Variants in SLC10A7 observed in about 807,000 individuals in gnomAD.
SLC10A7 encodes the protein sodium/bile acid cotransporter 7.
In SLC10A7, 29 loss-of-function variants were observed where a neutral mutation model predicts 43.2. The observed-to-expected ratio is 0.67, with a 90% CI of 0.50 to 0.92. The LOEUF is 0.92. Ranked by LOEUF, SLC10A7 falls within the 40% of genes least tolerant of loss-of-function variation. SLC10A7 has a pLI of 0.00. For missense variants in SLC10A7, 295 were observed against 403.2 expected (o/e 0.73, Z 2.30); for synonymous variants, 152 against 144.8 (o/e 1.05, Z -0.35).
chr4:146,313,537 A>G (rs1374570555), intron 6 of SLC10A7, among the ~76,000 whole-genome samples: 1 of 152,090 alleles, frequency 6.6e-6, no homozygotes, highest in African/African-American at 2.4e-5. Context: ...TTTTTTTTCA[A>G]GTGGTTTTAG....
At position 146,504,434 on chromosome 4, in the gene SLC10A7, G is replaced by C. The variant is rs539708452; in HGVS notation, c.321-510C>G. 4.0e-5 allele frequency among the ~76,000 whole-genome samples: 6 copies of C among 151,452 alleles called. No individual in the cohort carries two copies. The East Asian group carries it at 5.9e-4, about 15-fold the overall frequency. ...CTCAGGAGGTTGAGGCAGGAGAATG[G>C]TGTGAACCTGGGAGGCAGAGTTTGC... On this transcript the variant is annotated intron_variant, in intron 3 of 11. Coordinates refer to ENST00000335472, the MANE Select transcript of SLC10A7 (RefSeq NM_001029998.6).
intron 5 of SLC10A7, among the ~76,000 whole-genome samples, chr4:146,377,775 T>G (rs1023154665): frequency 6.6e-6 from 1 of 152,344 alleles, no homozygotes. Flanking sequence ...GGGCAGAGTC[T>G]GCTTTATTAA....
chr4:146,415,172 A>C (rs533244996), intron 5 of SLC10A7, among the ~76,000 whole-genome samples: 1 of 152,202 alleles, frequency 6.6e-6, no homozygotes, highest in Admixed American at 6.5e-5. Flanking sequence ...TTTAAGAGAA[A>C]GAAACATTTA....
Position 146,518,762 on chromosome 4 carries a change from G to A in SLC10A7, c.101-1642C>T, listed in dbSNP as rs1738256278. Among the ~76,000 whole-genome samples, 3 of 151,918 alleles carry A rather than the reference G, an allele frequency of 2.0e-5. 1 individual carries two copies. In the South Asian group the frequency reaches 6.3e-4, roughly 32 times the overall value. On this transcript the variant is annotated intron_variant, in intron 1 of 11. Coordinates refer to ENST00000335472, the MANE Select transcript of SLC10A7 (RefSeq NM_001029998.6). ...CATGTGATGACAGAGGTGGAGGCTG[G>A]AGTTATATTGCCACAAGCCAAGGAA...
intron 4 of SLC10A7, among the ~76,000 whole-genome samples, chr4:146,483,389 T>C (rs1328964608): frequency 6.6e-6 from 1 of 152,080 alleles, no homozygotes. Context: ...AAAATTGTTA[T>C]CAGCTTACAA....
intron 10 of SLC10A7, among the ~76,000 whole-genome samples, chr4:146,282,861 T>C (rs1729635992): frequency 6.6e-6 from 1 of 152,172 alleles, no homozygotes; most frequent in African/African-American, 2.4e-5. Context: ...AAAGCAATGT[T>C]TTTGCCAATT....
intron 4 of SLC10A7, among the ~76,000 whole-genome samples, chr4:146,474,716 A>T (rs1733883294): frequency 6.6e-6 from 1 of 152,210 alleles, no homozygotes; most frequent in Non-Finnish European, 1.5e-5. Flanking sequence ...AATTTATAAA[A>T]CTTATAAAAT....
intron 5 of SLC10A7, among the ~76,000 whole-genome samples, chr4:146,389,274 C>T (rs543875461): frequency 4.4e-4 from 66 of 151,572 alleles, no homozygotes; most frequent in African/African-American, 1.6e-3. Flanking sequence ...TGCAATATAT[C>T]CATGTAACAA....
At chr4:146,432,012 T>C (rs1299001061) in intron 5 of SLC10A7, among the ~76,000 whole-genome samples, 1 of 152,168 alleles carries the variant, frequency 6.6e-6, no homozygotes, top group Non-Finnish European at 1.5e-5. Context: ...GATATACGGA[T>C]GGCAAATAAG....
At chr4:146,491,502 GAAGGAA>G (rs1317381411) in intron 4 of SLC10A7, among the ~76,000 whole-genome samples, 1 of 151,926 alleles carries the variant, frequency 6.6e-6, no homozygotes, top group Non-Finnish European at 1.5e-5. Flanking sequence ...AGATTGGAGA[GAAGGAA>G]AAGGAAGAGA....
intron 1 of SLC10A7, among the ~76,000 whole-genome samples, chr4:146,520,591 T>A: frequency 6.6e-6 from 1 of 152,162 alleles, no homozygotes; most frequent in South Asian, 2.1e-4. Context: ...TCCTAAGAGA[T>A]CATTTCATTC....
chr4:146,439,234 C>T (rs2149884721), intron 5 of SLC10A7, among the ~76,000 whole-genome samples: 1 of 152,106 alleles, frequency 6.6e-6, no homozygotes, highest in East Asian at 1.9e-4. Flanking sequence ...ACAACAAAAA[C>T]AGCGTTCTAT....
At chr4:146,369,700 C>T (rs1013104349) in intron 5 of SLC10A7, among the ~76,000 whole-genome samples, 9 of 152,102 alleles carry the variant, frequency 5.9e-5, no homozygotes, top group Admixed American at 2.6e-4. Flanking sequence ...GTTATTACAG[C>T]GAATGCTTTA....
chr4:146,373,266 A>C (rs978945825), intron 5 of SLC10A7, among the ~76,000 whole-genome samples: 3 of 152,094 alleles, frequency 2.0e-5, no homozygotes, highest in African/African-American at 7.2e-5. Context: ...TGAGCTCAGG[A>C]TTTTAAGATC....
chr4:146,317,099 C>T (rs949077641), intron 6 of SLC10A7, among the ~76,000 whole-genome samples: 3 of 152,040 alleles, frequency 2.0e-5, no homozygotes, highest in African/African-American at 4.8e-5. Flanking sequence ...TACCTCTCTA[C>T]AAATAGAGTG....
chr4:146,341,621 C>T (rs751169092), intron 5 of SLC10A7, among the ~76,000 whole-genome samples: 1 of 151,780 alleles, frequency 6.6e-6, no homozygotes, highest in African/African-American at 2.4e-5. Context: ...TCATTCAATG[C>T]TAATTTACTG....
At chr4:146,406,237 ATTATAGAATT>A (rs1198319559) in intron 5 of SLC10A7, among the ~76,000 whole-genome samples, 1 of 152,192 alleles carries the variant, frequency 6.6e-6, no homozygotes, top group East Asian at 1.9e-4. Flanking sequence ...TCCATATACA[ATTATAGAATT>A]TTATAGAATT....
At chr4:146,332,861 G>A (rs568289016) in intron 5 of SLC10A7, among the ~76,000 whole-genome samples, 8 of 152,130 alleles carry the variant, frequency 5.3e-5, no homozygotes, top group Non-Finnish European at 1.0e-4. Context: ...ACCACACTAA[G>A]GTGTGCTGAT....
At chr4:146,399,950 C>T (rs1449867304) in intron 5 of SLC10A7, among the ~76,000 whole-genome samples, 1 of 151,980 alleles carries the variant, frequency 6.6e-6, no homozygotes, top group Non-Finnish European at 1.5e-5. Context: ...TTACATCAAA[C>T]CACAGGGTTG....
Sources: gnomAD v4.1 joint callset for allele counts (sites outside exome capture counted in the v4.1 genomes callset) on GRCh38, gnomAD v4.1.1 for gene constraint, MANE v1.5 for transcripts, NCBI Gene and HGNC (gene_info 2026-07-23, HGNC 2026-07-21) for gene names.